Variants in ALKBH8 observed in about 807,000 individuals in gnomAD.
The protein encoded by ALKBH8 is alkB homolog 8, tRNA methyltransferase, also known as tRNA (carboxymethyluridine(34)-5-O)-methyltransferase ALKBH8.
Under a neutral mutation model 59.8 loss-of-function variants are expected in ALKBH8, and 36 were observed. The ratio of observed to expected loss-of-function variants is 0.60; its 90% CI spans 0.46 to 0.79. The LOEUF is 0.79. Among genes scored for constraint, ALKBH8 ranks in the 30% least tolerant of loss-of-function variants. The probability of loss-of-function intolerance (pLI) is 0.00; values close to 1 mark genes in which losing one functional copy is unlikely to be tolerated. For missense variants in ALKBH8, 768 were observed against 801.0 expected (o/e 0.96, Z 0.50); for synonymous variants, 276 against 273.6 (o/e 1.01, Z -0.09).
intron 9 of ALKBH8, among the ~76,000 whole-genome samples, chr11:107,523,944 T>C (rs908688178): frequency 6.6e-6 from 1 of 152,046 alleles, no homozygotes; most frequent in African/African-American, 2.4e-5. Context: ...AAAGTATAAG[T>C]ATGTGAGGTA....
chr11:107,550,538 G>A (rs764197167), intron 6 of ALKBH8, among the ~76,000 whole-genome samples: 15 of 152,116 alleles, frequency 9.9e-5, no homozygotes, highest in Non-Finnish European at 5.9e-5. Context: ...GAGTGGCCCC[G>A]GCCTCTGTGC....
intron 4 of ALKBH8, among the ~76,000 whole-genome samples, 186 bp downstream of exon 4, chr11:107,553,661 T>C (rs941776028): frequency 6.6e-6 from 1 of 152,132 alleles, no homozygotes; most frequent in Non-Finnish European, 1.5e-5. Context: ...GAGTTAAAAT[T>C]TGATAGCTAT....
rs1863154377 is a variant in ALKBH8 at position 107,522,415 on chromosome 11, G to A, written c.1171C>T (p.His391Tyr). The A allele has an allele frequency of 5.2e-6, 8 of 1,551,812 alleles. No individual in the cohort carries two copies. The highest frequency in any genetic ancestry group is 6.1e-6 in the Non-Finnish European group (7 of 1,147,010). Reference sequence around the variant, plus strand: ...TCCACAATGTGCGGCCAAGGGGTATGTCTTGTGCTGCTGAAGTGCCCAGCA... The same window carrying A: ...TCCACAATGTGCGGCCAAGGGGTATATCTTGTGCTGCTGAAGTGCCCAGCA... The part of the protein sequence containing the change: ...EIAGHFSSTR[H>Y]TPWPHIVEFL... Residue 391 changes from histidine to tyrosine, a missense_variant, in exon 10 of 12, where the codon CAT (histidine) becomes TAT (tyrosine). By Grantham distance (83) the His-to-Tyr change is moderately conservative (BLOSUM62 2). Coordinates refer to ENST00000428149, the MANE Select transcript of ALKBH8 (RefSeq NM_138775.3).
chr11:107,524,241 T>G (rs1008875760), intron 9 of ALKBH8, among the ~76,000 whole-genome samples: 6 of 151,996 alleles, frequency 3.9e-5, no homozygotes, highest in African/African-American at 1.5e-4. Flanking sequence ...GATTTTATTT[T>G]TTTGCAGACA....
chr11:107,557,982 G>A (rs1864784966), intron 2 of ALKBH8, among the ~76,000 whole-genome samples: 1 of 152,136 alleles, frequency 6.6e-6, no homozygotes, highest in African/African-American at 2.4e-5. Context: ...TGTTGATGAC[G>A]TTTTTCTGAG....
intron 7 of ALKBH8, 25 bp downstream of exon 7, chr11:107,549,728 A>G: frequency 2.0e-6 from 3 of 1,476,016 alleles, no homozygotes; most frequent in African/African-American, 1.4e-5. Flanking sequence ...ATATATGATG[A>G]TAGCTAATAA....
intron 7 of ALKBH8, among the ~76,000 whole-genome samples, chr11:107,548,621 T>C (rs1286434374): frequency 1.3e-5 from 2 of 152,222 alleles, no homozygotes; most frequent in African/African-American, 4.8e-5. Context: ...GGTTGTGTCA[T>C]ATCAAACACC....
Position 107,503,166 on chromosome 11 carries a change from T to C in ALKBH8, c.*1492A>G, listed in dbSNP as rs1305522623. On this transcript the variant is annotated 3_prime_UTR_variant, in exon 12 of 12. Transcript: ENST00000428149. Reference sequence around the variant, plus strand: ...CATGACTTGACTTCAAACTTTGGTGTCAAGTACCAGAATTTATATCAGAAA... The same window carrying C: ...CATGACTTGACTTCAAACTTTGGTGCCAAGTACCAGAATTTATATCAGAAA... 3.9e-5 allele frequency: 6 copies of C among 152,190 alleles called. No homozygotes were observed. Among genetic ancestry groups the C allele is most frequent in the African/African-American group, 1.4e-4 (6 of 41,452 alleles). The allele number at this position is 152,190 out of a possible 1,614,324, so 9.4% of individuals were successfully genotyped here. A position where few individuals can be genotyped will look rare whatever the true frequency, so the allele number is the denominator to read the frequency against.
At chr11:107,544,745 ACT>A (rs1459001853) in intron 7 of ALKBH8, among the ~76,000 whole-genome samples, 1 of 151,618 alleles carries the variant, frequency 6.6e-6, no homozygotes, top group Non-Finnish European at 1.5e-5. Flanking sequence ...TGAGAATTAC[ACT>A]CTTTTCCCAC....
intron 1 of ALKBH8, among the ~76,000 whole-genome samples, chr11:107,562,274 G>A (rs1342315406): frequency 1.3e-5 from 2 of 149,928 alleles, no homozygotes; most frequent in Non-Finnish European, 2.9e-5. Flanking sequence ...ACTCCAGCCT[G>A]GCAACAGAGT....
chr11:107,551,777 T>C, intron 6 of ALKBH8, 31 bp downstream of exon 6: 1 of 1,385,960 alleles, frequency 7.2e-7, no homozygotes. Context: ...CCAAAATATG[T>C]GACTAAAATT....
chr11:107,541,180 G>A lies in ALKBH8; in HGVS notation c.771+8573C>T, dbSNP rs552742124. Among the ~76,000 whole-genome samples, 7 of 152,262 alleles carry A rather than the reference G, an allele frequency of 4.6e-5. No homozygotes were observed. The East Asian group carries it at 7.7e-4, about 17-fold the overall frequency. ...TAGCACAGAATAGTTAGCTGTTGGCGATAATGATCATGGCAATGGTAGTGC... is the reference window on the plus strand; with the variant it reads ...TAGCACAGAATAGTTAGCTGTTGGCAATAATGATCATGGCAATGGTAGTGC... On this transcript the variant is annotated intron_variant, in intron 7 of 11. Transcript: ENST00000428149.
At chr11:107,525,375 G>T (rs1863306647) in intron 9 of ALKBH8, 66 bp downstream of exon 9, 2 of 1,414,384 alleles carry the variant, frequency 1.4e-6, no homozygotes, top group African/African-American at 1.5e-5. Context: ...GGTGTTGACA[G>T]GACCTTAAAG....
chr11:107,509,748 T>C (rs185365085), intron 11 of ALKBH8, among the ~76,000 whole-genome samples: 3 of 152,276 alleles, frequency 2.0e-5, no homozygotes, highest in East Asian at 1.9e-4. Flanking sequence ...TAAATGACAA[T>C]AGATATGTAG....
chr11:107,540,188 T>C (rs1010799684), intron 7 of ALKBH8, among the ~76,000 whole-genome samples: 1 of 152,236 alleles, frequency 6.6e-6, no homozygotes, highest in Non-Finnish European at 1.5e-5. Context: ...GTGCCTGCAG[T>C]ACTGCATATG....
rs768973749 is a variant in ALKBH8, at chr11:107,532,308, C to A, written c.870G>T (p.Trp290Cys). 1.4e-5 allele frequency: 23 copies of A among 1,612,792 alleles called. No individual in the cohort carries two copies. In the East Asian group the frequency reaches 2.9e-4, roughly 20 times the overall value. ...LVMTGESRYLWTHGITCRKFD... is the reference protein window; with the variant it reads ...LVMTGESRYLCTHGITCRKFD... ...CATATTTCAATACATACCCATGGGT[C>A]CAAAGGTATCTAGATTCTCCTGTCA... is the stretch of plus-strand genomic sequence containing the variant. Residue 290 changes from tryptophan to cysteine, a missense_variant, in exon 8 of 12, where the codon TGG (tryptophan) becomes TGT (cysteine). By Grantham distance (215) the Trp-to-Cys change is radical. Coordinates refer to ENST00000428149, the MANE Select transcript of ALKBH8 (RefSeq NM_138775.3).
At chr11:107,544,286 G>C (rs1383170779) in intron 7 of ALKBH8, among the ~76,000 whole-genome samples, 1 of 152,144 alleles carries the variant, frequency 6.6e-6, no homozygotes. Flanking sequence ...AACAGACTTT[G>C]TTAGCAGACT....
chr11:107,523,311 G>C (rs1215997497), intron 9 of ALKBH8, among the ~76,000 whole-genome samples: 2 of 152,030 alleles, frequency 1.3e-5, no homozygotes, highest in Non-Finnish European at 2.9e-5. Context: ...TTACAACATG[G>C]ATAAACTTAG....
chr11:107,543,874 G>A (rs945848092), intron 7 of ALKBH8, among the ~76,000 whole-genome samples: 3 of 152,084 alleles, frequency 2.0e-5, no homozygotes, highest in African/African-American at 4.8e-5. Context: ...GTCTTTAAAC[G>A]TTTGCTTCAC....
Sources: allele counts gnomAD v4.1 joint callset (sites outside exome capture counted in the v4.1 genomes callset), GRCh38; gene constraint gnomAD v4.1.1; transcripts MANE v1.5; gene names NCBI Gene and HGNC (gene_info 2026-07-23, HGNC 2026-07-21).